Variants in LENG8 observed in about 807,000 individuals in gnomAD.
LENG8 encodes leukocyte receptor cluster (LRC) member 8.
LENG8 carries 28 observed loss-of-function variants against 102.1 expected under a neutral mutation model. The observed-to-expected ratio is 0.27, with a 90% CI of 0.20 to 0.38. LENG8 has a LOEUF of 0.38. Among genes scored for constraint, LENG8 ranks in the 10% least tolerant of loss-of-function variants. The pLI is 1.00. For synonymous variants in LENG8, 531 were observed against 456.7 expected, an observed-to-expected ratio of 1.16 and a Z score of -2.07; for missense variants, 1,022 against 1,113.9, an observed-to-expected ratio of 0.92 and a Z score of 1.17.
chr19:54,457,926 T>C lies in LENG8; in HGVS notation c.1834-8T>C. 2 of 1,613,928 alleles carry C rather than the reference T, an allele frequency of 1.2e-6. No individual in the cohort carries two copies. Among genetic ancestry groups the C allele is most frequent in the Non-Finnish European group, 1.7e-6 (2 of 1,179,994 alleles). Reference sequence around the variant, plus strand: ...CTTGTGACTCTTGTTCTCGCCCCGCTGCCCCAGGTGCAGGGCATCCGCACC... The same window carrying C: ...CTTGTGACTCTTGTTCTCGCCCCGCCGCCCCAGGTGCAGGGCATCCGCACC... On this transcript the variant is annotated splice_polypyrimidine_tract_variant and splice_region_variant and intron_variant, in intron 12 of 15. Coordinates refer to ENST00000326764, the MANE Select transcript of LENG8 (RefSeq NM_052925.4).
intron 15 of LENG8, chr19:54,459,814 C>T (rs1483067600): frequency 8.6e-7 from 1 of 1,157,276 alleles, no homozygotes; most frequent in African/African-American, 1.6e-5. Flanking sequence ...CACAGAGCTC[C>T]ATGACCAGCT....
chr19:54,454,873 T>G, intron 6 of LENG8, 78 bp from the exon 7 acceptor site: 1 of 1,581,364 alleles, frequency 6.3e-7, no homozygotes, highest in South Asian at 1.1e-5. Flanking sequence ...CTCCCTGCAT[T>G]TCCACTTCCT....
chr19:54,450,584 G>C (rs60691883), intron 1 of LENG8, among the ~76,000 whole-genome samples: 21,976 of 147,680 alleles, frequency 0.15, 2,062 homozygotes, highest in Middle Eastern at 0.31. Context: ...CCATCCTCTT[G>C]GTTCAGGTTC....
rs1274675348 is a variant in LENG8 at position 54,456,411 on chromosome 19, G to T, written c.1391G>T (p.Gly464Val). 1 of 1,610,508 alleles carries T rather than the reference G, an allele frequency of 6.2e-7. No homozygotes were observed. The highest frequency in any genetic ancestry group is 2.2e-5 in the East Asian group (1 of 44,874). The change falls in exon 10 of 16, where the codon GGC becomes GTC. Residue 464 changes from glycine to valine, a missense_variant. Physicochemically the swap from Gly to Val is moderately radical, Grantham distance 109. Transcript: ENST00000326764. ...GRRNPPPKGR[G>V]GRGAHMDRGR... ...AGGAACCCGCCCCCTAAGGGCCGGG[G>T]CGGTCGAGGGGCCCATATGGATCGG...
At chr19:54,457,206 G>A (rs369227931) in intron 11 of LENG8, among the ~76,000 whole-genome samples, 10 of 152,264 alleles carry the variant, frequency 6.6e-5, no homozygotes, top group East Asian at 3.8e-4. Context: ...TCCCAGGCCC[G>A]TGGGCTGTGG....
chr19:54,461,373 C>T lies in LENG8; in HGVS notation c.*445C>T, dbSNP rs973609967. On this transcript the variant is annotated 3_prime_UTR_variant, in exon 16 of 16. Coordinates refer to ENST00000326764, the MANE Select transcript of LENG8 (RefSeq NM_052925.4). The stretch of plus-strand genomic sequence containing the variant: ...GGGCACCCAGCAAGCCCGCCCACCG[C>T]CCGCTGCCTCACCTGCTTCGCCACA... The T allele has an allele frequency of 2.8e-5, 13 of 458,476 alleles. No homozygotes were observed. Among genetic ancestry groups the T allele is most frequent in the Non-Finnish European group, 5.3e-5 (12 of 228,558 alleles). The allele number at this position is 458,476 out of a possible 1,614,324, so 28.4% of individuals were successfully genotyped here. A position where few individuals can be genotyped will look rare whatever the true frequency, so the allele number is the denominator to read the frequency against.
At position 54,456,435 on chromosome 19, in the gene LENG8, G is replaced by A. The variant is rs779134980; in HGVS notation, c.1415G>A (p.Arg472Gln). ...GRGGRGAHMD[R>Q]GRGRAQRGKR... ...GGCGGTCGAGGGGCCCATATGGATC[G>A]GGGCCGAGGCAGGGCGCAGCGTGGG... Residue 472 changes from arginine (R) to glutamine (Q), a missense_variant, in exon 10 of 16, where the codon CGG becomes CAG. Physicochemically the swap from Arg to Gln is conservative, Grantham distance 43. Around this residue, in one of 7 missense-constraint regions of LENG8, gnomAD observed 326 missense variants for 324.5 expected, o/e 1.00. Coordinates refer to ENST00000326764, the MANE Select transcript of LENG8 (RefSeq NM_052925.4). The A allele has an allele frequency of 1.6e-5, 26 of 1,608,246 alleles. No homozygotes were observed. The highest frequency in any genetic ancestry group is 1.1e-4 in the South Asian group (10 of 91,046).
intron 11 of LENG8, among the ~76,000 whole-genome samples, chr19:54,457,353 T>C (rs893459514): frequency 2.9e-4 from 44 of 152,200 alleles, no homozygotes; most frequent in African/African-American, 9.9e-4. Context: ...TGTTTTCTCT[T>C]TTTTTGGGAG....
chr19:54,452,295 C>A (rs1240947783), intron 3 of LENG8, 28 bp downstream of exon 3: 1 of 1,575,878 alleles, frequency 6.3e-7, no homozygotes, highest in African/African-American at 1.4e-5. Flanking sequence ...GGCTGGGGTA[C>A]CCTGAGCCAG....
Position 54,455,511 on chromosome 19 carries a change from G to A in LENG8, c.969G>A (p.Ala323=), listed in dbSNP as rs985703953. ...AGCTGCTCAAGGAGGTGCTGCAGGC[G>A]CGGCTGCAGGACGGCTCGGCCTATA... is the stretch of plus-strand genomic sequence containing the variant. ...TEKLLKEVLQ[A]RLQDGSAYTI... Residue 323 remains alanine, a synonymous_variant, in exon 8 of 16, where the codon GCG becomes GCA. Coordinates refer to ENST00000326764, the MANE Select transcript of LENG8 (RefSeq NM_052925.4). 2.5e-5 allele frequency: 40 copies of A among 1,613,834 alleles called. No homozygotes were observed. In the African/African-American group the frequency reaches 3.9e-4, roughly 16 times the overall value.
intron 4 of LENG8, 93 bp from the exon 5 acceptor site, chr19:54,453,453 G>A: frequency 1.3e-6 from 1 of 781,924 alleles, no homozygotes; most frequent in African/African-American, 1.7e-5. Context: ...TGAGGGATTG[G>A]TAGAGGGTCA....
intron 15 of LENG8, 83 bp downstream of exon 15, chr19:54,458,604 A>G (rs1373434909): frequency 1.9e-6 from 3 of 1,587,500 alleles, no homozygotes; most frequent in Non-Finnish European, 2.6e-6. Context: ...TCCTGGCCGC[A>G]GGCCTCCCCC....
chr19:54,451,306 C>G lies in LENG8; in HGVS notation c.-39C>G. ...TTCTCATAGACAGTGAAAAAGCAGTCTGGCTCCCGAGGTCCACCCCTTATA... is the reference window on the plus strand; with the variant it reads ...TTCTCATAGACAGTGAAAAAGCAGTGTGGCTCCCGAGGTCCACCCCTTATA... On this transcript the variant is annotated 5_prime_UTR_variant, in exon 2 of 16. Transcript: ENST00000326764. 1.2e-6 allele frequency: 2 copies of G among 1,612,306 alleles called. No individual in the cohort carries two copies. The highest frequency in any genetic ancestry group is 1.7e-6 in the Non-Finnish European group (2 of 1,178,314).
intron 13 of LENG8, 29 bp downstream of exon 13, chr19:54,458,031 C>G (rs551176006): frequency 6.2e-7 from 1 of 1,612,764 alleles, no homozygotes; most frequent in Non-Finnish European, 8.5e-7. Context: ...GCCTCCCCAG[C>G]CCCTTTCCTG....
chr19:54,449,959 C>T (rs915788537), intron 1 of LENG8, among the ~76,000 whole-genome samples: 6 of 152,202 alleles, frequency 3.9e-5, no homozygotes, highest in Admixed American at 3.3e-4. Flanking sequence ...GGCTTTTCCC[C>T]AGCTCCAGAC....
chr19:54,453,797 A>G, intron 5 of LENG8, 141 bp downstream of exon 5: 1 of 648,078 alleles, frequency 1.5e-6, no homozygotes, highest in South Asian at 1.9e-5. Flanking sequence ...AATGAGGAGG[A>G]CAGAGCATAG....
intron 1 of LENG8, among the ~76,000 whole-genome samples, chr19:54,451,069 C>T (rs1352605384): frequency 2.0e-5 from 3 of 152,136 alleles, no homozygotes; most frequent in Admixed American, 1.3e-4. Flanking sequence ...CCAAATCCTT[C>T]GTTTTCCACC....
chr19:54,453,207 TTGCTGGATGTATTACA>T (rs1437730686), intron 4 of LENG8, among the ~76,000 whole-genome samples: 1 of 152,184 alleles, frequency 6.6e-6, no homozygotes, highest in Non-Finnish European at 1.5e-5. Context: ...ATGATCCTTA[TTGCTGGATGTATTACA>T]TGTTGATGTC....
intron 6 of LENG8, 21 bp from the exon 7 acceptor site, chr19:54,454,930 T>C (rs759781354): frequency 6.2e-7 from 1 of 1,614,064 alleles, no homozygotes; most frequent in Non-Finnish European, 8.5e-7. Flanking sequence ...GGCCTAACCA[T>C]AGCTTTCGCT....
Sources: allele counts gnomAD v4.1 joint callset (sites outside exome capture counted in the v4.1 genomes callset), GRCh38; gene constraint gnomAD v4.1.1; regional missense constraint gnomAD v4.1.1; transcripts MANE v1.5; gene names NCBI Gene and HGNC (gene_info 2026-07-23, HGNC 2026-07-21).